The following PTPRR variants were observed in gnomAD, a reference collection of about 807,000 sequenced individuals.
PTPRR encodes receptor-type tyrosine-protein phosphatase R.
Under a neutral mutation model 77.2 loss-of-function variants are expected in PTPRR, and 38 were observed. That is an observed-to-expected ratio of 0.49 (90% CI 0.38 to 0.65). The LOEUF (loss-of-function observed/expected upper bound fraction) is 0.65. Ranked by LOEUF, PTPRR falls within the 30% of genes least tolerant of loss-of-function variation. The probability of loss-of-function intolerance (pLI) is 0.00; values close to 1 mark genes in which losing one functional copy is unlikely to be tolerated. For synonymous variants in PTPRR, 299 were observed against 283.1 expected (o/e 1.06, Z -0.57); for missense variants, 744 against 799.2 (o/e 0.93, Z 0.83).
At chr12:70,815,326 A>G (rs898301830) in intron 2 of PTPRR, among the ~76,000 whole-genome samples, 2 of 152,130 alleles carry the variant, frequency 1.3e-5, no homozygotes, top group Non-Finnish European at 2.9e-5. Flanking sequence ...ACAAAGCCTC[A>G]GTTAGTTGTG....
Position 70,746,000 on chromosome 12 carries a change from T to A in PTPRR, c.825A>T (p.Thr275=). The A allele has an allele frequency of 1.9e-6, 3 of 1,614,066 alleles. No individual in the cohort carries two copies. The highest frequency in any genetic ancestry group is 1.7e-6 in the Non-Finnish European group (2 of 1,179,958). The stretch of plus-strand genomic sequence containing the variant: ...TTGCCTCGGACAGTGCTGGCTGTAA[T>A]GTGATGGGCGATAGGTGGATCTCCT... ...KNQEIHLSPI[T]LQPALSEAKT... The change falls in exon 6 of 14, where the codon ACA becomes ACT. Residue 275 remains threonine, a synonymous_variant. Transcript: ENST00000283228.
intron 6 of PTPRR, among the ~76,000 whole-genome samples, chr12:70,741,742 G>T (rs1398599): frequency 0.17 from 25,375 of 151,968 alleles, 2,494 homozygotes; most frequent in East Asian, 0.43. Flanking sequence ...CTCAGGGGAG[G>T]GTGAAGTGTT....
chr12:70,699,320 A>G (rs1387032979), intron 7 of PTPRR, among the ~76,000 whole-genome samples: 1 of 152,236 alleles, frequency 6.6e-6, no homozygotes, highest in African/African-American at 2.4e-5. Context: ...ATTGATTGAA[A>G]TAGAAGAAAT....
intron 4 of PTPRR, among the ~76,000 whole-genome samples, chr12:70,760,118 A>G (rs1890659277): frequency 6.6e-6 from 1 of 152,228 alleles, no homozygotes; most frequent in African/African-American, 2.4e-5. Context: ...TCCTGCATTC[A>G]AATTACATTT....
At chr12:70,719,626 T>C (rs1263169793) in intron 6 of PTPRR, among the ~76,000 whole-genome samples, 1 of 152,120 alleles carries the variant, frequency 6.6e-6, no homozygotes, top group Non-Finnish European at 1.5e-5. Context: ...CAAATCTGTA[T>C]CATTACTAAC....
rs1012435140 is a variant in PTPRR at position 70,745,882 on chromosome 12, C to T, written c.943G>A (p.Ala315Thr). ...GGGCAAACAGAGGTAGCGGTGGTAG[C>T]TTTGATCTCAGGAGCACCTCGGCCT... ...PQGRGAPEIK[A>T]TTATSVCPSP... Residue 315 changes from alanine (A) to threonine (T), a missense_variant, in exon 6 of 14, where the codon GCT becomes ACT. Physicochemically the swap from Ala to Thr is moderately conservative, Grantham distance 58 (BLOSUM62 0). Transcript: ENST00000283228. 3.7e-6 allele frequency: 6 copies of T among 1,614,064 alleles called. No homozygotes were observed. The highest frequency in any genetic ancestry group is 5.1e-6 in the Non-Finnish European group (6 of 1,180,006).
intron 3 of PTPRR, 82 bp from the exon 4 acceptor site, chr12:70,761,708 T>A: frequency 9.2e-7 from 1 of 1,086,016 alleles, no homozygotes; most frequent in Non-Finnish European, 1.3e-6. Flanking sequence ...TTTAGAAACA[T>A]TAAAGGAAGT....
At chr12:70,807,976 G>A (rs1592768351) in intron 2 of PTPRR, among the ~76,000 whole-genome samples, 1 of 152,164 alleles carries the variant, frequency 6.6e-6, no homozygotes, top group South Asian at 2.1e-4. Flanking sequence ...GCAGGACAGA[G>A]CCATATTTCT....
chr12:70,758,135 C>T (rs1049974079), intron 4 of PTPRR, among the ~76,000 whole-genome samples: 4 of 152,204 alleles, frequency 2.6e-5, no homozygotes, highest in African/African-American at 9.7e-5. Flanking sequence ...ATGATATGCT[C>T]CTTATATCTG....
intron 13 of PTPRR, chr12:70,639,768 A>T (rs1885929221): frequency 6.5e-6 from 1 of 152,750 alleles, no homozygotes; most frequent in African/African-American, 2.4e-5. Flanking sequence ...GTGCCTCATG[A>T]TTCATCTCTT....
At chr12:70,912,206 A>G (rs187226828) in intron 1 of PTPRR, among the ~76,000 whole-genome samples, 6 of 152,324 alleles carry the variant, frequency 3.9e-5, no homozygotes, top group Non-Finnish European at 7.3e-5. Context: ...TTTTTCCCAG[A>G]TAAGTGAAAG....
At chr12:70,772,019 TATC>T (rs1890989139) in intron 2 of PTPRR, among the ~76,000 whole-genome samples, 2 of 152,124 alleles carry the variant, frequency 1.3e-5, no homozygotes, top group Non-Finnish European at 2.9e-5. Context: ...ATTATGATAA[TATC>T]ATAATTATCA....
At chr12:70,735,276 T>C (rs1889822630) in intron 6 of PTPRR, among the ~76,000 whole-genome samples, 1 of 152,158 alleles carries the variant, frequency 6.6e-6, no homozygotes, top group African/African-American at 2.4e-5. Context: ...ATACCTGAGA[T>C]TGAGTTAATC....
chr12:70,908,469 A>T (rs1010736475), intron 1 of PTPRR, among the ~76,000 whole-genome samples: 2 of 152,182 alleles, frequency 1.3e-5, no homozygotes, highest in Admixed American at 6.5e-5. Flanking sequence ...GCAGCAGGTG[A>T]GAGAATGAGT....
chr12:70,916,600 A>G (rs1282182168), intron 1 of PTPRR, among the ~76,000 whole-genome samples: 3 of 151,902 alleles, frequency 2.0e-5, no homozygotes, highest in African/African-American at 4.8e-5. Context: ...GAAATTGACT[A>G]TGCACTTCTC....
At chr12:70,868,392 T>C (rs1187216038) in intron 2 of PTPRR, among the ~76,000 whole-genome samples, 13 of 150,396 alleles carry the variant, frequency 8.6e-5, no homozygotes, top group Admixed American at 8.6e-4. Flanking sequence ...GAACAGACAC[T>C]TCTGAAAAGA....
chr12:70,647,955 A>C (rs1182171792), intron 13 of PTPRR, among the ~76,000 whole-genome samples: 1 of 152,190 alleles, frequency 6.6e-6, no homozygotes, highest in East Asian at 1.9e-4. Flanking sequence ...TTTATATAGC[A>C]ACTAGTTCAG....
At chr12:70,685,217 C>T (rs1887817613) in intron 8 of PTPRR, among the ~76,000 whole-genome samples, 1 of 152,054 alleles carries the variant, frequency 6.6e-6, no homozygotes, top group African/African-American at 2.4e-5. Context: ...TGAACCTCAC[C>T]TTGTCTGACC....
intron 2 of PTPRR, among the ~76,000 whole-genome samples, chr12:70,793,741 T>TG (rs1249904042): frequency 6.6e-6 from 1 of 152,208 alleles, no homozygotes; most frequent in Non-Finnish European, 1.5e-5. Flanking sequence ...CTTACAGTTC[T>TG]GATTTGGCTC....
Sources: gnomAD v4.1 joint callset for allele counts (sites outside exome capture counted in the v4.1 genomes callset) on GRCh38, gnomAD v4.1.1 for gene constraint, MANE v1.5 for transcripts, NCBI Gene and HGNC (gene_info 2026-07-23, HGNC 2026-07-21) for gene names.